Variants in CD96 observed in about 807,000 individuals in gnomAD.
CD96 encodes CD96 molecule.
Under a neutral mutation model 71.3 loss-of-function variants are expected in CD96, and 70 were observed. The ratio of observed to expected loss-of-function variants is 0.98; its 90% CI spans 0.81 to 1.20. CD96 has a LOEUF of 1.20. Ranked by LOEUF, CD96 falls within the 50% of genes most tolerant of loss-of-function variation. CD96 has a pLI of 0.00. For synonymous variants in CD96, 248 were observed against 233.0 expected (o/e 1.06, Z -0.59); for missense variants, 742 against 677.5 (o/e 1.10, Z -1.06).
At chr3:111,562,037 A>G (rs1935459979) in intron 2 of CD96, among the ~76,000 whole-genome samples, 1 of 152,186 alleles carries the variant, frequency 6.6e-6, no homozygotes, top group African/African-American at 2.4e-5. Context: ...TGCACTTCCC[A>G]GGTGAGGCAA....
At chr3:111,623,662 T>G (rs1240167711) in intron 8 of CD96, 92 bp from the exon 9 acceptor site, 16 of 806,608 alleles carry the variant, frequency 2.0e-5, no homozygotes, top group Non-Finnish European at 3.3e-5. Context: ...TTTCCAACTC[T>G]AATATTCCAG....
intron 12 of CD96, among the ~76,000 whole-genome samples, chr3:111,638,956 T>G (rs1420406321): frequency 1.3e-5 from 2 of 152,212 alleles, no homozygotes; most frequent in Non-Finnish European, 2.9e-5. Flanking sequence ...TCTCATTTTC[T>G]ACACTTGGTT....
chr3:111,584,608 C>T (rs1164488528), intron 4 of CD96, among the ~76,000 whole-genome samples: 1 of 152,156 alleles, frequency 6.6e-6, no homozygotes, highest in Non-Finnish European at 1.5e-5. Flanking sequence ...ACTTCTTACA[C>T]AGCAATGGGA....
chr3:111,543,125 A>G (rs1218594287), intron 1 of CD96, among the ~76,000 whole-genome samples: 1 of 152,210 alleles, frequency 6.6e-6, no homozygotes, highest in Non-Finnish European at 1.5e-5. Context: ...AAACTTTTGC[A>G]TCCACAGAAG....
intron 2 of CD96, among the ~76,000 whole-genome samples, chr3:111,551,291 A>T (rs1287315879): frequency 1.3e-5 from 2 of 152,174 alleles, no homozygotes; most frequent in Admixed American, 1.3e-4. Context: ...AATGAAGATG[A>T]CAGTGGGAAG....
At chr3:111,593,937 G>A (rs1008453412) in intron 5 of CD96, 13 of 1,613,884 alleles carry the variant, frequency 8.1e-6, no homozygotes, top group South Asian at 1.1e-5. Flanking sequence ...TTGACCCCAG[G>A]GCCACGGCTC....
chr3:111,647,664 A>C lies in CD96; in HGVS notation c.1599A>C (p.Glu533Asp), dbSNP rs1387998826. 9 of 1,603,674 alleles carry C rather than the reference A, an allele frequency of 5.6e-6. No individual in the cohort carries two copies. The Admixed American group carries it at 1.5e-4, about 27-fold the overall frequency. Residue 533 changes from glutamate (E) to aspartate (D), a missense_variant and splice_region_variant, in exon 13 of 14, where the codon GAA becomes GAC. By Grantham distance (45) the Glu-to-Asp change is conservative. Coordinates refer to ENST00000352690, the MANE Select transcript of CD96 (RefSeq NM_005816.5). ...GAAAATGGTGTCAGTACCAAAAAGA[A>C]ATGTGAGTATAATACTAACATATGT... is the stretch of plus-strand genomic sequence containing the variant. ...GVRKWCQYQK[E>D]IMERPPPFKP...
chr3:111,604,706 T>C (rs923739224), intron 7 of CD96, among the ~76,000 whole-genome samples: 1 of 152,194 alleles, frequency 6.6e-6, no homozygotes, highest in African/African-American at 2.4e-5. Context: ...ATGTTTCCCA[T>C]TGTGGAAACT....
chr3:111,654,168 C>A (rs980587548), downstream of CD96, among the ~76,000 whole-genome samples: 3 of 152,128 alleles, frequency 2.0e-5, no homozygotes, highest in Admixed American at 6.5e-5. Flanking sequence ...ATAGCCTAAC[C>A]GACTGTTTGA....
intron 2 of CD96, among the ~76,000 whole-genome samples, chr3:111,556,737 C>T (rs55936287): frequency 6.8e-6 from 1 of 147,970 alleles, no homozygotes. Flanking sequence ...GGATGGCTGG[C>T]TCAAATGGTA....
intron 3 of CD96, among the ~76,000 whole-genome samples, chr3:111,568,502 TC>T (rs1935827652): frequency 6.6e-6 from 1 of 152,212 alleles, no homozygotes. Flanking sequence ...GACTAAATTC[TC>T]CCACTACTTT....
intron 8 of CD96, among the ~76,000 whole-genome samples, chr3:111,620,622 C>A (rs1156240106): frequency 1.3e-5 from 2 of 152,124 alleles, no homozygotes; most frequent in East Asian, 1.9e-4. Flanking sequence ...CAGCTGGAGA[C>A]CAATAGGAGC....
At chr3:111,542,407 G>GATCACCACTGCTGAAATTT in intron 1 of CD96, 98 bp downstream of exon 1, 1 of 863,190 alleles carries the variant, frequency 1.2e-6, no homozygotes, top group Admixed American at 1.7e-5. Flanking sequence ...TGCTGAAATT[G>GATCACCACTGCTGAAATTT]ATCACCAAAG....
intron 10 of CD96, among the ~76,000 whole-genome samples, chr3:111,633,244 T>C (rs1289154025): frequency 6.6e-6 from 1 of 152,122 alleles, no homozygotes; most frequent in Non-Finnish European, 1.5e-5. Context: ...GTGAAGCAGT[T>C]AGAACACACA....
intron 3 of CD96, chr3:111,577,581 G>T: frequency 7.2e-7 from 1 of 1,390,288 alleles, no homozygotes; most frequent in East Asian, 2.3e-5. Flanking sequence ...AAAGAATTCA[G>T]CAGAGTATGA....
At chr3:111,594,243 G>A in intron 5 of CD96, 2 of 1,518,532 alleles carry the variant, frequency 1.3e-6, no homozygotes, top group African/African-American at 1.4e-5. Flanking sequence ...GCTTAGATGT[G>A]AGCCAAAAGC....
intron 8 of CD96, among the ~76,000 whole-genome samples, chr3:111,621,118 G>T (rs575788475): frequency 1.3e-5 from 2 of 152,290 alleles, no homozygotes; most frequent in South Asian, 4.1e-4. Flanking sequence ...TTGCTTGCAG[G>T]TAAGATATAT....
intron 8 of CD96, among the ~76,000 whole-genome samples, chr3:111,618,582 CTTTT>C (rs35004472): frequency 2.4e-5 from 3 of 123,962 alleles, no homozygotes; most frequent in African/African-American, 6.3e-5. Context: ...TTATTTCTCT[CTTTT>C]TTTTTTTTTT....
chr3:111,619,756 T>C (rs1449913343), intron 8 of CD96, among the ~76,000 whole-genome samples: 2 of 152,258 alleles, frequency 1.3e-5, no homozygotes, highest in Non-Finnish European at 2.9e-5. Context: ...CTCTGCATGA[T>C]ATCAAGAGAC....
Sources: gnomAD v4.1 joint callset for allele counts (sites outside exome capture counted in the v4.1 genomes callset) on GRCh38, gnomAD v4.1.1 for gene constraint, MANE v1.5 for transcripts, NCBI Gene and HGNC (gene_info 2026-07-23, HGNC 2026-07-21) for gene names.